PRKG1: variants seen among roughly 807,000 people sequenced by gnomAD.
PRKG1 encodes the protein protein kinase cGMP-dependent 1, also known as cGMP-dependent protein kinase 1.
PRKG1 carries 35 observed loss-of-function variants against 88.1 expected under a neutral mutation model. That is an observed-to-expected ratio of 0.40 (90% CI 0.30 to 0.53). The LOEUF (loss-of-function observed/expected upper bound fraction) is 0.53. Ranked by LOEUF, PRKG1 falls within the 20% of genes least tolerant of loss-of-function variation. The pLI, the probability that PRKG1 is intolerant of heterozygous loss-of-function variation, is 0.59. For missense variants in PRKG1, 540 were observed against 839.8 expected, an observed-to-expected ratio of 0.64 and a Z score of 4.41; for synonymous variants, 303 against 292.5, an observed-to-expected ratio of 1.04 and a Z score of -0.37.
chr10:51,635,682 A>G (rs1839640196), intron 3 of PRKG1, among the ~76,000 whole-genome samples: 1 of 152,154 alleles, frequency 6.6e-6, no homozygotes, highest in Non-Finnish European at 1.5e-5. Context: ...TTGCTTTAAC[A>G]CATGATTTCT....
At chr10:51,219,697 G>C (rs1193985995) in intron 2 of PRKG1, among the ~76,000 whole-genome samples, 1 of 151,276 alleles carries the variant, frequency 6.6e-6, no homozygotes. Flanking sequence ...GCCACAGTGC[G>C]AGACTCCATC....
At chr10:51,584,774 G>T (rs1230088918) in intron 3 of PRKG1, among the ~76,000 whole-genome samples, 1 of 152,038 alleles carries the variant, frequency 6.6e-6, no homozygotes, top group African/African-American at 2.4e-5. Context: ...CTCAGAGAAG[G>T]GAAAGAACTT....
At chr10:51,694,008 T>C (rs1589206457) in intron 3 of PRKG1, among the ~76,000 whole-genome samples, 2 of 152,178 alleles carry the variant, frequency 1.3e-5, no homozygotes, top group Admixed American at 1.3e-4. Context: ...TTTATATTTA[T>C]GGATACTTAC....
chr10:51,606,670 TA>T (rs781456564), intron 3 of PRKG1, among the ~76,000 whole-genome samples: 19 of 151,970 alleles, frequency 1.3e-4, no homozygotes, highest in Admixed American at 3.3e-4. Flanking sequence ...GTATTTTACT[TA>T]AAAAAAATAG....
At chr10:51,892,807 G>T (rs1043933826) in intron 4 of PRKG1, among the ~76,000 whole-genome samples, 1 of 152,166 alleles carries the variant, frequency 6.6e-6, no homozygotes, top group African/African-American at 2.4e-5. Flanking sequence ...GAGAAACACT[G>T]TTGAAGAACA....
At chr10:51,203,889 C>T (rs988697265) in intron 2 of PRKG1, among the ~76,000 whole-genome samples, 4 of 152,182 alleles carry the variant, frequency 2.6e-5, no homozygotes, top group Non-Finnish European at 5.9e-5. Flanking sequence ...TCCTGTTACA[C>T]AGTAACTCTT....
At chr10:51,139,742 A>T (rs1273392150) in intron 1 of PRKG1, among the ~76,000 whole-genome samples, 1 of 152,086 alleles carries the variant, frequency 6.6e-6, no homozygotes, top group Non-Finnish European at 1.5e-5. Flanking sequence ...GGCCATCCTT[A>T]TGTTTTACTT....
At chr10:51,558,857 A>T (rs573947390) in intron 3 of PRKG1, among the ~76,000 whole-genome samples, 1 of 152,210 alleles carries the variant, frequency 6.6e-6, no homozygotes, top group African/African-American at 2.4e-5. Flanking sequence ...CAATGAACTG[A>T]AGGTGTGAAC....
rs533331363 is a variant in PRKG1, at chr10:52,040,271, T to C, written c.763-14213T>C. Among the ~76,000 whole-genome samples the C allele has an allele frequency of 6.6e-4, 100 of 152,234 alleles. 1 individual carries two copies. Among genetic ancestry groups the C allele is most frequent in the Non-Finnish European group, 1.3e-3 (88 of 68,044 alleles). ...TTTTTCTTTTTGAGTACTGGATTTA[T>C]TTTGGTAGAAACTTCAATACATATT... On this transcript the variant is annotated intron_variant, in intron 5 of 17. Transcript: ENST00000373980.
chr10:51,835,091 T>C (rs1840100468), intron 4 of PRKG1, among the ~76,000 whole-genome samples: 1 of 152,140 alleles, frequency 6.6e-6, no homozygotes, highest in African/African-American at 2.4e-5. Flanking sequence ...CACCCTCAGA[T>C]AGGCACTTGG....
chr10:51,555,970 G>A (rs1837299473), intron 3 of PRKG1, among the ~76,000 whole-genome samples: 2 of 151,714 alleles, frequency 1.3e-5, no homozygotes, highest in African/African-American at 4.8e-5. Flanking sequence ...CAAGCAGGAA[G>A]GGAGAAAAGA....
At chr10:51,635,382 C>G in intron 3 of PRKG1, among the ~76,000 whole-genome samples, 1 of 151,268 alleles carries the variant, frequency 6.6e-6, no homozygotes, top group African/African-American at 2.4e-5. Context: ...TAAAAGTGTC[C>G]TTTTTTATAT....
Position 51,881,270 on chromosome 10 carries a change from A to T in PRKG1, c.699-26237A>T, listed in dbSNP as rs138546933. Among the ~76,000 whole-genome samples the T allele has an allele frequency of 2.3e-4, 35 of 152,318 alleles. No homozygotes were observed. The East Asian group carries it at 6.6e-3, about 29-fold the overall frequency. On this transcript the variant is annotated intron_variant, in intron 4 of 17. Transcript: ENST00000373980. Reference sequence around the variant, plus strand: ...TTATCTACTGAGGTATAACAAGCTAACCCAAACCTTAGACTGTTAAAACAA... The same window carrying T: ...TTATCTACTGAGGTATAACAAGCTATCCCAAACCTTAGACTGTTAAAACAA...
intron 2 of PRKG1, among the ~76,000 whole-genome samples, chr10:51,260,053 T>A (rs117135961): frequency 0.017 from 2,555 of 152,278 alleles, 38 homozygotes; most frequent in Non-Finnish European, 0.023. Context: ...TACACTCACA[T>A]GTGTGCAACC....
chr10:52,157,275 T>C (rs890029575), intron 8 of PRKG1, among the ~76,000 whole-genome samples: 1 of 145,334 alleles, frequency 6.9e-6, no homozygotes, highest in Non-Finnish European at 1.5e-5. Context: ...TATACACATA[T>C]ATACATATAT....
intron 5 of PRKG1, among the ~76,000 whole-genome samples, chr10:52,005,284 A>G (rs1362691816): frequency 2.3e-5 from 3 of 129,002 alleles, no homozygotes; most frequent in East Asian, 4.7e-4. Context: ...TTCAGTAGAG[A>G]CGGATTTTTG....
chr10:51,218,202 T>A (rs1196819005), intron 2 of PRKG1, among the ~76,000 whole-genome samples: 1 of 152,130 alleles, frequency 6.6e-6, no homozygotes, highest in African/African-American at 2.4e-5. Context: ...AACATTGCAT[T>A]GGAGGCCCTG....
chr10:51,596,821 C>T (rs1171804717), intron 3 of PRKG1, among the ~76,000 whole-genome samples: 1 of 152,136 alleles, frequency 6.6e-6, no homozygotes, highest in African/African-American at 2.4e-5. Context: ...CTCAAATGCC[C>T]TTCTCTGGAG....
chr10:51,414,985 A>G (rs901800272), intron 2 of PRKG1, among the ~76,000 whole-genome samples: 10 of 152,236 alleles, frequency 6.6e-5, no homozygotes, highest in Non-Finnish European at 8.8e-5. Context: ...TAAATGGTAG[A>G]TATTGTTTTA....
Sources: allele counts gnomAD v4.1 joint callset (sites outside exome capture counted in the v4.1 genomes callset), GRCh38; gene constraint gnomAD v4.1.1; transcripts MANE v1.5; gene names NCBI Gene and HGNC (gene_info 2026-07-23, HGNC 2026-07-21).